RRAS2: variants seen among roughly 807,000 people sequenced by gnomAD.
The protein encoded by RRAS2 is RAS related 2.
In RRAS2, 7 loss-of-function variants were observed where a neutral mutation model predicts 27.6. The ratio of observed to expected loss-of-function variants is 0.25; its 90% CI spans 0.14 to 0.48. The LOEUF is 0.48. Ranked by LOEUF, RRAS2 falls within the 20% of genes least tolerant of loss-of-function variation. RRAS2 has a pLI of 0.99. For synonymous variants in RRAS2, 86 were observed against 90.9 expected, an observed-to-expected ratio of 0.95 and a Z score of 0.31; for missense variants, 178 against 256.2, an observed-to-expected ratio of 0.69 and a Z score of 2.08.
intron 1 of RRAS2, among the ~76,000 whole-genome samples, chr11:14,352,756 T>TAGAG (rs370730897): frequency 3.3e-4 from 43 of 128,752 alleles, no homozygotes; most frequent in African/African-American, 8.9e-4. Context: ...TATATATATA[T>TAGAG]AGAGAGAGAG....
In RRAS2 at chr11:14,325,141, T is replaced by C. The variant is rs148442124; in HGVS notation, c.109-29286A>G. ...AACACTTACTGCATGTTAGCTATCATCGTATCTGAGCCCTCAAACTTACCC... is the reference window on the plus strand; with the variant it reads ...AACACTTACTGCATGTTAGCTATCACCGTATCTGAGCCCTCAAACTTACCC... On this transcript the variant is annotated intron_variant, in intron 1 of 5. Coordinates refer to ENST00000256196, the MANE Select transcript of RRAS2 (RefSeq NM_012250.6). 3.3e-5 allele frequency among the ~76,000 whole-genome samples: 5 copies of C among 152,272 alleles called. No individual in the cohort carries two copies. The East Asian group carries it at 9.6e-4, about 29-fold the overall frequency.
intron 1 of RRAS2, among the ~76,000 whole-genome samples, chr11:14,357,278 T>C (rs1554955583): frequency 6.6e-6 from 1 of 152,112 alleles, no homozygotes; most frequent in Non-Finnish European, 1.5e-5. Flanking sequence ...ACTCCTAGAC[T>C]TCTCCTCCAC....
At chr11:14,318,371 C>A (rs1414167143) in intron 1 of RRAS2, among the ~76,000 whole-genome samples, 1 of 152,050 alleles carries the variant, frequency 6.6e-6, no homozygotes, top group African/African-American at 2.4e-5. Flanking sequence ...GGCGTAGTTG[C>A]GCATGCCTGT....
rs1849434007 is a variant in RRAS2 at position 14,278,474 on chromosome 11, G to C, written c.*863C>G. 6.6e-6 allele frequency: 1 copy of C among 152,180 alleles called. No homozygotes were observed. Among genetic ancestry groups the C allele is most frequent in the South Asian group, 2.1e-4 (1 of 4,838 alleles). The allele number at this position is 152,180 out of a possible 1,614,324, so 9.4% of individuals were successfully genotyped here. ...TTTGATAAGAAAATAATGTATAAAA[G>C]TATATAGCAAAAACATTAATCATCT... On this transcript the variant is annotated 3_prime_UTR_variant, in exon 6 of 6. Transcript: ENST00000256196.
At chr11:14,305,773 G>A (rs782389105) in intron 1 of RRAS2, among the ~76,000 whole-genome samples, 41 of 152,086 alleles carry the variant, frequency 2.7e-4, no homozygotes, top group Non-Finnish European at 2.6e-4. Flanking sequence ...GGCCGTGCGC[G>A]ATGGCTCACA....
intron 1 of RRAS2, among the ~76,000 whole-genome samples, chr11:14,307,236 CA>C (rs36070991): frequency 1.4e-5 from 2 of 147,226 alleles, no homozygotes; most frequent in East Asian, 2.0e-4. Context: ...ACAACAACAA[CA>C]AAAAAAAAGC....
chr11:14,327,435 G>A (rs915651051), intron 1 of RRAS2, among the ~76,000 whole-genome samples: 1 of 152,168 alleles, frequency 6.6e-6, no homozygotes, highest in Non-Finnish European at 1.5e-5. Context: ...AGTGGGGATG[G>A]AGAGAAAGAA....
chr11:14,330,015 T>C (rs782003572), intron 1 of RRAS2, among the ~76,000 whole-genome samples: 1 of 152,142 alleles, frequency 6.6e-6, no homozygotes. Context: ...TTCGAGCCTA[T>C]AGTAAGCTAT....
At chr11:14,291,977 T>C (rs975865163) in intron 4 of RRAS2, among the ~76,000 whole-genome samples, 1 of 152,214 alleles carries the variant, frequency 6.6e-6, no homozygotes, top group Non-Finnish European at 1.5e-5. Context: ...TTTACACACA[T>C]AGCCTAAAGA....
intron 1 of RRAS2, among the ~76,000 whole-genome samples, chr11:14,331,401 T>C (rs1026613616): frequency 5.9e-5 from 9 of 152,116 alleles, no homozygotes; most frequent in African/African-American, 1.7e-4. Flanking sequence ...TAAAATTACA[T>C]TGCAAATAAC....
chr11:14,293,732 T>C (rs1259508413), intron 4 of RRAS2, among the ~76,000 whole-genome samples: 1 of 152,174 alleles, frequency 6.6e-6, no homozygotes, highest in Non-Finnish European at 1.5e-5. Context: ...TCTTTTTCTT[T>C]ATAAATTACC....
intron 1 of RRAS2, among the ~76,000 whole-genome samples, chr11:14,352,744 AATATAT>A (rs56241114): frequency 3.6e-5 from 5 of 139,076 alleles, no homozygotes; most frequent in South Asian, 2.4e-4. Flanking sequence ...AAACTTTTAA[AATATAT>A]ATATATAGAG....
intron 1 of RRAS2, among the ~76,000 whole-genome samples, chr11:14,320,609 T>C (rs576187979): frequency 2.0e-5 from 3 of 152,334 alleles, no homozygotes; most frequent in East Asian, 3.9e-4. Context: ...CTTAATCAAT[T>C]ATTTGTTGCT....
intron 1 of RRAS2, among the ~76,000 whole-genome samples, chr11:14,334,231 T>C (rs1848544558): frequency 1.3e-5 from 2 of 152,288 alleles, no homozygotes; most frequent in South Asian, 4.1e-4. Flanking sequence ...AGGTAGTATT[T>C]TACTAACCTG....
intron 5 of RRAS2, 90 bp from the exon 6 acceptor site, chr11:14,279,514 A>C: frequency 1.0e-6 from 1 of 966,596 alleles, no homozygotes; most frequent in South Asian, 1.3e-5. Flanking sequence ...TTCACTTTTA[A>C]GTGTGTATGC....
intron 1 of RRAS2, among the ~76,000 whole-genome samples, chr11:14,322,638 G>GT (rs1554950447): frequency 2.0e-5 from 3 of 152,002 alleles, no homozygotes; most frequent in African/African-American, 7.3e-5. Context: ...TCTGTAATAC[G>GT]TATGTTATTG....
intron 1 of RRAS2, among the ~76,000 whole-genome samples, chr11:14,296,152 C>T (rs1271599532): frequency 1.3e-5 from 2 of 151,682 alleles, no homozygotes; most frequent in East Asian, 3.9e-4. Context: ...TGTACTCCAG[C>T]CTGGGAGACA....
intron 4 of RRAS2, among the ~76,000 whole-genome samples, chr11:14,286,873 G>A (rs1275514925): frequency 6.6e-6 from 1 of 152,222 alleles, no homozygotes; most frequent in Non-Finnish European, 1.5e-5. Context: ...AAGGAAGGAA[G>A]CCGAGTAAAC....
chr11:14,350,109 A>G (rs1848918705), intron 1 of RRAS2, among the ~76,000 whole-genome samples: 1 of 152,220 alleles, frequency 6.6e-6, no homozygotes, highest in Admixed American at 6.5e-5. Flanking sequence ...ATGAACAAAT[A>G]CATACGTATT....
Sources: gnomAD v4.1 joint callset for allele counts (sites outside exome capture counted in the v4.1 genomes callset) on GRCh38, gnomAD v4.1.1 for gene constraint, MANE v1.5 for transcripts, NCBI Gene and HGNC (gene_info 2026-07-23, HGNC 2026-07-21) for gene names.